SDSL: variants seen among roughly 807,000 people sequenced by gnomAD.
The protein encoded by SDSL is serine dehydratase like.
A neutral mutation model predicts 27.6 loss-of-function variants in SDSL; 26 were observed. The observed-to-expected ratio is 0.94, with a 90% confidence interval of 0.69 to 1.31. SDSL has a LOEUF of 1.31. Ranked by LOEUF, SDSL falls within the 50% of genes most tolerant of loss-of-function variation. The pLI is 0.00. For synonymous variants in SDSL, 196 were observed against 180.6 expected (o/e 1.09, Z -0.69); for missense variants, 431 against 423.5 (o/e 1.02, Z -0.16).
At chr12:113,437,314 C>T (rs917462111) in intron 7 of SDSL, among the ~76,000 whole-genome samples, 6 of 152,216 alleles carry the variant, frequency 3.9e-5, no homozygotes, top group African/African-American at 1.2e-4. Flanking sequence ...TAGTCCCTGA[C>T]GTGTCCCTAG....
intron 4 of SDSL, among the ~76,000 whole-genome samples, chr12:113,430,137 TCCAC>T (rs529797459): frequency 0.014 from 1,766 of 129,036 alleles, 35 homozygotes; most frequent in African/African-American, 0.059. Context: ...CATCCATCCA[TCCAC>T]CCATCCATCC....
intron 4 of SDSL, among the ~76,000 whole-genome samples, chr12:113,430,116 TTCCATCCATCCATCCA>T (rs750497934): frequency 1.8e-4 from 26 of 148,360 alleles, no homozygotes; most frequent in Admixed American, 1.2e-3. Context: ...TCTCCCTTCT[TTCCATCCATCCATCCA>T]TCCATCCACC....
intron 7 of SDSL, chr12:113,437,084 T>C (rs1047402783): frequency 5.3e-6 from 2 of 373,924 alleles, no homozygotes; most frequent in Non-Finnish European, 9.4e-6. Flanking sequence ...CAGACTTTCA[T>C]ACATGCTGCT....
intron 1 of SDSL, chr12:113,425,524 A>T: frequency 2.6e-6 from 1 of 377,760 alleles, no homozygotes; most frequent in South Asian, 2.0e-5. Context: ...CGCCCCCCCT[A>T]GCGGCCAATA....
chr12:113,435,264 C>G (rs1957973650), intron 5 of SDSL, 65 bp from the exon 6 acceptor site: 1 of 1,176,404 alleles, frequency 8.5e-7, no homozygotes, highest in South Asian at 1.6e-5. Context: ...ATTCCCCCAC[C>G]ACAGGAGCCA....
chr12:113,434,278 C>T, intron 5 of SDSL, 56 bp downstream of exon 5: 7 of 1,340,280 alleles, frequency 5.2e-6, no homozygotes, highest in Non-Finnish European at 7.2e-6. Context: ...TTCACTGAGT[C>T]AGGGTCCTCC....
chr12:113,428,325 T>G (rs947742226), intron 2 of SDSL, 95 bp from the exon 3 acceptor site: 3 of 1,368,454 alleles, frequency 2.2e-6, no homozygotes, highest in Admixed American at 2.0e-5. Context: ...TAAAGGCGTA[T>G]TGGGAGTGGG....
chr12:113,432,209 CTTCTTTCT>C (rs71086169), intron 4 of SDSL, among the ~76,000 whole-genome samples: 9,192 of 102,424 alleles, frequency 0.09, 207 homozygotes, highest in Middle Eastern at 0.13. Context: ...TGTTTGTTTG[CTTCTTTCT>C]TTCTTTCTTT....
intron 7 of SDSL, among the ~76,000 whole-genome samples, chr12:113,437,347 G>T (rs1958009787): frequency 6.6e-6 from 1 of 152,346 alleles, no homozygotes; most frequent in East Asian, 1.9e-4. Flanking sequence ...ATAGGGCATG[G>T]CAGGTAGTAG....
intron 5 of SDSL, among the ~76,000 whole-genome samples, 180 bp from the exon 6 acceptor site, chr12:113,435,149 G>A (rs1957972070): frequency 2.0e-5 from 3 of 152,114 alleles, no homozygotes; most frequent in Non-Finnish European, 4.4e-5. Flanking sequence ...ATGAAGCTGA[G>A]TGAAGTAACT....
Position 113,428,035 on chromosome 12 carries a change from C to A in SDSL, c.53C>A (p.Thr18Lys). 1.2e-6 allele frequency: 2 copies of A among 1,613,926 alleles called. No individual in the cohort carries two copies. The highest frequency in any genetic ancestry group is 8.5e-7 in the Non-Finnish European group (1 of 1,179,944). ...AAGCAGGAGCCCTTTCACGTGGTCA[C>A]ACCTCTGTTGGAGAGCTGGGCGCTG... ...HAKQEPFHVV[T>K]PLLESWALSQ... The change falls in exon 2 of 8, where the codon ACA becomes AAA. Residue 18 changes from threonine (T) to lysine (K), a missense_variant. Thr to Lys is a moderately conservative substitution (Grantham distance 78, BLOSUM62 -1). Coordinates refer to ENST00000403593, the MANE Select transcript of SDSL (RefSeq NM_001304993.2).
intron 5 of SDSL, 108 bp downstream of exon 5, chr12:113,434,330 G>C (rs1957965521): frequency 2.4e-6 from 2 of 823,048 alleles, no homozygotes; most frequent in South Asian, 2.1e-5. Context: ...GGGGAGAAGA[G>C]GCTTCAAAGC....
Position 113,429,158 on chromosome 12 carries a change from A to T in SDSL, c.215-2A>T, listed in dbSNP as rs951310924. On this transcript the variant is annotated splice_acceptor_variant, in intron 3 of 7. Transcript: ENST00000403593. LOFTEE classifies it high-confidence loss of function. ...ACTGCCCCTTTCCTCCTTTCTGCAC[A>T]GGGGGTAATGCGGGCATCGCTGCTG... The T allele has an allele frequency of 1.9e-6, 3 of 1,611,534 alleles. No homozygotes were observed. Among genetic ancestry groups the T allele is most frequent in the Non-Finnish European group, 2.5e-6 (3 of 1,178,422 alleles).
intron 1 of SDSL, chr12:113,422,681 GGACCCT>G (rs1957805739): frequency 1.3e-5 from 2 of 152,428 alleles, no homozygotes; most frequent in Admixed American, 6.5e-5. Flanking sequence ...GTTGTGCTGG[GGACCCT>G]GAAGGGCGAG....
intron 4 of SDSL, among the ~76,000 whole-genome samples, chr12:113,430,338 G>T (rs906616334): frequency 2.6e-5 from 4 of 152,218 alleles, no homozygotes; most frequent in African/African-American, 9.6e-5. Flanking sequence ...AGGGCACCAA[G>T]GAAGTCAGAG....
At position 113,438,020 on chromosome 12, in the gene SDSL, G is replaced by A. The variant is rs1958022740; in HGVS notation, c.931G>A (p.Gly311Ser). Residue 311 changes from glycine to serine, a missense_variant, in exon 8 of 8, where the codon GGC becomes AGC. Transcript: ENST00000403593. ...TTCAGTTGTGGTAATCGTGTGTGGA[G>A]GCAACAACATCAACAGCCGAGAGCT... The part of the protein sequence containing the change: ...LTSVVVIVCG[G>S]NNINSRELQA... 7.4e-6 allele frequency: 12 copies of A among 1,614,174 alleles called. No homozygotes were observed. Among genetic ancestry groups the A allele is most frequent in the Non-Finnish European group, 1.0e-5 (12 of 1,180,014 alleles).
At position 113,436,733 on chromosome 12, in the gene SDSL, C is replaced by A. The variant is rs1313581206; in HGVS notation, c.672-18C>A. On this transcript the variant is annotated intron_variant, in intron 6 of 7. Coordinates refer to ENST00000403593, the MANE Select transcript of SDSL (RefSeq NM_001304993.2). ...CTGAGCCCCTGGTCTCCCTGCCCCA[C>A]CCTGCTCTATCCTGCAGTGTGGCCA... The A allele has an allele frequency of 1.3e-6, 2 of 1,585,344 alleles. No individual in the cohort carries two copies. The highest frequency in any genetic ancestry group is 1.3e-5 in the African/African-American group (1 of 74,238).
intron 2 of SDSL, 53 bp from the exon 3 acceptor site, chr12:113,428,367 C>G (rs1345178627): frequency 1.9e-5 from 30 of 1,568,976 alleles, no homozygotes; most frequent in Non-Finnish European, 2.5e-5. Flanking sequence ...TCCACATAGG[C>G]CTTCATGACA....
intron 4 of SDSL, among the ~76,000 whole-genome samples, chr12:113,433,308 G>A (rs1052464182): frequency 1.3e-5 from 2 of 152,194 alleles, no homozygotes; most frequent in Non-Finnish European, 2.9e-5. Flanking sequence ...GCAGGGGCTA[G>A]TTCTGCCCCC....
Sources: allele counts gnomAD v4.1 joint callset (sites outside exome capture counted in the v4.1 genomes callset), GRCh38; gene constraint gnomAD v4.1.1; transcripts MANE v1.5; gene names NCBI Gene and HGNC (gene_info 2026-07-23, HGNC 2026-07-21).